PRKCE: variants seen among roughly 807,000 people sequenced by gnomAD.
The protein encoded by PRKCE is protein kinase C epsilon, also known as protein kinase C epsilon type.
In PRKCE, 16 loss-of-function variants were observed where a neutral mutation model predicts 85.4. That is an observed-to-expected ratio of 0.19 (90% CI 0.13 to 0.28). PRKCE has a LOEUF of 0.28. Among genes scored for constraint, PRKCE ranks in the 10% least tolerant of loss-of-function variants. The probability of loss-of-function intolerance (pLI) is 1.00; values close to 1 mark genes in which losing one functional copy is unlikely to be tolerated. For missense variants in PRKCE, 573 were observed against 975.2 expected (o/e 0.59, Z 5.49); for synonymous variants, 388 against 371.5 (o/e 1.04, Z -0.51).
intron 1 of PRKCE, among the ~76,000 whole-genome samples, chr2:45,841,835 C>T (rs957731693): frequency 3.3e-5 from 5 of 152,172 alleles, no homozygotes; most frequent in African/African-American, 1.2e-4. Flanking sequence ...AGGAGATATC[C>T]ACTAGACTGA....
intron 1 of PRKCE, among the ~76,000 whole-genome samples, chr2:45,839,750 C>T (rs574611880): frequency 2.0e-5 from 3 of 152,366 alleles, no homozygotes; most frequent in African/African-American, 7.2e-5. Flanking sequence ...TTGGTGACCC[C>T]TCCAGTCGTT....
chr2:45,964,536 G>A (rs1190960575), intron 2 of PRKCE, among the ~76,000 whole-genome samples: 3 of 152,214 alleles, frequency 2.0e-5, no homozygotes, highest in Non-Finnish European at 4.4e-5. Flanking sequence ...CCTGGAAGTA[G>A]TAATTTTTAC....
chr2:45,841,297 C>G (rs958318490), intron 1 of PRKCE, among the ~76,000 whole-genome samples: 2 of 152,202 alleles, frequency 1.3e-5, no homozygotes, highest in African/African-American at 4.8e-5. Context: ...GGAAGCCAGT[C>G]CGTGTCCGAA....
At chr2:46,130,927 T>C (rs1397082197) in intron 11 of PRKCE, among the ~76,000 whole-genome samples, 1 of 152,234 alleles carries the variant, frequency 6.6e-6, no homozygotes, top group East Asian at 1.9e-4. Context: ...TGAATCATAA[T>C]TGAGAGACTT....
intron 6 of PRKCE, among the ~76,000 whole-genome samples, chr2:45,997,600 G>A (rs552250340): frequency 1.7e-3 from 265 of 152,128 alleles, no homozygotes; most frequent in Non-Finnish European, 3.0e-3. Context: ...AGGCTGGAGT[G>A]CAGTGGTATG....
intron 10 of PRKCE, among the ~76,000 whole-genome samples, chr2:46,020,346 A>C (rs954982325): frequency 6.6e-6 from 1 of 152,186 alleles, no homozygotes; most frequent in African/African-American, 2.4e-5. Context: ...CATTTGAAGA[A>C]AGGATTTCAC....
intron 11 of PRKCE, among the ~76,000 whole-genome samples, chr2:46,095,466 G>A (rs12712967): frequency 0.37 from 56,194 of 152,148 alleles, 12,660 homozygotes; most frequent in Non-Finnish European, 0.5. Flanking sequence ...GGACAGGGAA[G>A]GGGCCGTGCC....
At chr2:45,919,543 C>T (rs1698095830) in intron 2 of PRKCE, among the ~76,000 whole-genome samples, 1 of 152,190 alleles carries the variant, frequency 6.6e-6, no homozygotes, top group Admixed American at 6.5e-5. Flanking sequence ...AACTGGCCTC[C>T]AAGGGAGGGC....
At chr2:45,917,980 C>T (rs1697951731) in intron 2 of PRKCE, among the ~76,000 whole-genome samples, 1 of 152,216 alleles carries the variant, frequency 6.6e-6, no homozygotes, top group Admixed American at 6.5e-5. Context: ...GCGGGGCCCG[C>T]CAAGCCCACG....
chr2:45,923,581 G>A (rs958973452), intron 2 of PRKCE, among the ~76,000 whole-genome samples: 3 of 152,198 alleles, frequency 2.0e-5, no homozygotes, highest in African/African-American at 7.2e-5. Flanking sequence ...CCTCAGCTGT[G>A]CCCTCAGCCC....
intron 2 of PRKCE, among the ~76,000 whole-genome samples, chr2:45,883,928 C>A (rs1358172861): frequency 2.0e-5 from 3 of 152,128 alleles, no homozygotes; most frequent in Non-Finnish European, 4.4e-5. Flanking sequence ...CAATGCTTTG[C>A]AGAGCTGAGG....
At position 46,004,939 on chromosome 2, in the gene PRKCE, G is replaced by A. The variant is rs975551978; in HGVS notation, c.1063+301G>A. Among the ~76,000 whole-genome samples, 3 of 152,180 alleles carry A rather than the reference G, an allele frequency of 2.0e-5. No individual in the cohort carries two copies. Among genetic ancestry groups the A allele is most frequent in the African/African-American group, 4.8e-5 (2 of 41,424 alleles). On this transcript the variant is annotated intron_variant, in intron 8 of 14. Coordinates refer to ENST00000306156, the MANE Select transcript of PRKCE (RefSeq NM_005400.3). This position sits in a 1 kb window ranked among gnomAD's most constrained non-coding sequence, Gnocchi z 4.1. ...CTTGCCTCTGTCCCTGGTTCCAAGT[G>A]TACTGCAGAGAGAAGGGTACAGCTC...
chr2:45,888,818 A>C (rs960597607), intron 2 of PRKCE, among the ~76,000 whole-genome samples: 1 of 152,174 alleles, frequency 6.6e-6, no homozygotes, highest in African/African-American at 2.4e-5. Context: ...ATTTCCAGGG[A>C]GTTAACCTTT....
chr2:45,978,392 A>C (rs1702624716), intron 3 of PRKCE: 1 of 152,754 alleles, frequency 6.5e-6, no homozygotes, highest in Non-Finnish European at 1.5e-5. Context: ...TTCTGTGTCC[A>C]TGCTGACTTT....
intron 10 of PRKCE, among the ~76,000 whole-genome samples, chr2:46,074,186 A>G (rs1668324351): frequency 6.6e-6 from 1 of 152,194 alleles, no homozygotes; most frequent in Non-Finnish European, 1.5e-5. Flanking sequence ...GCATATTCTT[A>G]GGAAAGAAAA....
At chr2:45,943,309 A>G (rs1700014415) in intron 2 of PRKCE, among the ~76,000 whole-genome samples, 1 of 152,260 alleles carries the variant, frequency 6.6e-6, no homozygotes. Flanking sequence ...TACCCAGTCT[A>G]TGAAAGTTTA....
chr2:46,067,472 C>A (rs967681234), intron 10 of PRKCE, among the ~76,000 whole-genome samples: 1 of 152,202 alleles, frequency 6.6e-6, no homozygotes, highest in African/African-American at 2.4e-5. Flanking sequence ...TATGCTGTGG[C>A]CTGGCCTTTG....
rs929739628 is a variant in PRKCE, at chr2:45,652,679, C to G, written c.348+231C>G. On this transcript the variant is annotated intron_variant, in intron 1 of 14. Transcript: ENST00000306156. This position sits in a 1 kb window ranked among gnomAD's most constrained non-coding sequence, Gnocchi z 7.7. ...ATGTGGCCCTCTGCTCCCTCTGTGC[C>G]CTCCAGTTGGTGGGTGCTGCGGGAG... 6.6e-6 allele frequency among the ~76,000 whole-genome samples: 1 copy of G among 152,196 alleles called. No homozygotes were observed. The highest frequency in any genetic ancestry group is 6.5e-5 in the Admixed American group (1 of 15,284).
At chr2:45,956,692 G>GA (rs1174675700) in intron 2 of PRKCE, among the ~76,000 whole-genome samples, 2 of 151,398 alleles carry the variant, frequency 1.3e-5, no homozygotes, top group Non-Finnish European at 2.9e-5. Context: ...CTCACACAAA[G>GA]AAAAAAAAGA....
Sources: allele counts gnomAD v4.1 joint callset (sites outside exome capture counted in the v4.1 genomes callset), GRCh38; gene constraint gnomAD v4.1.1; non-coding constraint Gnocchi (gnomAD v3.1); transcripts MANE v1.5; gene names NCBI Gene and HGNC (gene_info 2026-07-23, HGNC 2026-07-21).